Variants in EIF4ENIF1 observed in about 807,000 individuals in gnomAD.
EIF4ENIF1 encodes the protein eukaryotic translation initiation factor 4E transporter.
Under a neutral mutation model 110.5 loss-of-function variants are expected in EIF4ENIF1, and 23 were observed. The ratio of observed to expected loss-of-function variants is 0.21; its 90% CI spans 0.15 to 0.29. The LOEUF is 0.29. Ranked by LOEUF, EIF4ENIF1 falls within the 10% of genes least tolerant of loss-of-function variation. EIF4ENIF1 has a pLI of 1.00. For synonymous variants in EIF4ENIF1, 440 were observed against 437.0 expected, an observed-to-expected ratio of 1.01 and a Z score of -0.09; for missense variants, 1,031 against 1,221.1, an observed-to-expected ratio of 0.84 and a Z score of 2.32.
intron 6 of EIF4ENIF1, among the ~76,000 whole-genome samples, chr22:31,460,623 C>T (rs566153338): frequency 6.8e-6 from 1 of 147,152 alleles, no homozygotes; most frequent in Admixed American, 6.9e-5. Context: ...AGCGAGACTC[C>T]GTCTCAAAAA....
At chr22:31,446,297 A>AAAAAAAG (rs2050474079) in intron 14 of EIF4ENIF1, among the ~76,000 whole-genome samples, 1 of 151,702 alleles carries the variant, frequency 6.6e-6, no homozygotes, top group Non-Finnish European at 1.5e-5. Context: ...AAAAAAAAAA[A>AAAAAAAG]AAGTTAAAAG....
intron 2 of EIF4ENIF1, 112 bp downstream of exon 2, chr22:31,488,511 C>A: frequency 1.4e-6 from 2 of 1,451,762 alleles, no homozygotes. Context: ...AATATTTAGT[C>A]CATGTAGTGA....
intron 2 of EIF4ENIF1, among the ~76,000 whole-genome samples, chr22:31,481,759 A>C (rs1334752795): frequency 6.6e-6 from 1 of 152,182 alleles, no homozygotes; most frequent in African/African-American, 2.4e-5. Flanking sequence ...ACATGGCTGT[A>C]CTGACTGCTA....
chr22:31,463,327 C>A (rs147117153), intron 5 of EIF4ENIF1, among the ~76,000 whole-genome samples, 194 bp from the exon 6 acceptor site: 41 of 152,130 alleles, frequency 2.7e-4, no homozygotes, highest in African/African-American at 9.6e-4. Context: ...TCAAAGTAAC[C>A]TGGTATAAAA....
At chr22:31,452,529 T>C (rs1040392289) in intron 10 of EIF4ENIF1, among the ~76,000 whole-genome samples, 1 of 152,172 alleles carries the variant, frequency 6.6e-6, no homozygotes. Flanking sequence ...CCTAGAATCA[T>C]ATCTGCAATA....
intron 2 of EIF4ENIF1, among the ~76,000 whole-genome samples, chr22:31,476,182 C>A (rs2051564487): frequency 6.6e-6 from 1 of 152,134 alleles, no homozygotes; most frequent in Non-Finnish European, 1.5e-5. Context: ...CTTACTACCC[C>A]ATGCAGATAC....
At chr22:31,490,270 T>G (rs562435686), upstream of EIF4ENIF1, among the ~76,000 whole-genome samples, 1 of 152,368 alleles carries the variant, frequency 6.6e-6, no homozygotes, top group South Asian at 2.1e-4. Flanking sequence ...CCGCTGTATT[T>G]GCATGGTTCG....
rs1371144257 is a variant in EIF4ENIF1 at position 31,454,365 on chromosome 22, C to A, written c.1291G>T (p.Val431Phe). Residue 431 changes from valine (V) to phenylalanine (F), a missense_variant, in exon 10 of 19, where the codon GTT becomes TTT. By Grantham distance (50) the Val-to-Phe change is conservative. This residue lies in a region of EIF4ENIF1 where 704 missense variants were observed against 879.7 expected (regional missense o/e 0.80). Coordinates refer to ENST00000330125, the MANE Select transcript of EIF4ENIF1 (RefSeq NM_019843.4). Reference protein sequence around the residue: ...EKLKESSHSGVVLSVEEVEAG... With the variant: ...EKLKESSHSGFVLSVEEVEAG... ...TCTACCTCCTCCACTGAAAGCACAA[C>A]CCCTGAATGTGCTGAGAAGTTGAGA... 1 of 1,613,942 alleles carries A rather than the reference C, an allele frequency of 6.2e-7. No individual in the cohort carries two copies. The highest frequency in any genetic ancestry group is 1.7e-5 in the Admixed American group (1 of 60,004).
At chr22:31,491,339 G>A (rs1448295364), upstream of EIF4ENIF1, among the ~76,000 whole-genome samples, 2 of 152,122 alleles carry the variant, frequency 1.3e-5, no homozygotes, top group Non-Finnish European at 2.9e-5. Flanking sequence ...TCTTCCTAAA[G>A]CTGTGGGAAA....
intron 4 of EIF4ENIF1, among the ~76,000 whole-genome samples, chr22:31,466,640 T>C (rs1601614187): frequency 1.4e-5 from 1 of 69,654 alleles, no homozygotes; most frequent in Non-Finnish European, 2.5e-5. Context: ...GGGGAAGTGT[T>C]GTGGGGGGGG....
chr22:31,481,310 ACAC>A (rs1193647533), intron 2 of EIF4ENIF1, among the ~76,000 whole-genome samples: 3 of 144,310 alleles, frequency 2.1e-5, no homozygotes, highest in Admixed American at 7.2e-5. Context: ...CCACAGGTGC[ACAC>A]CACCACCTCT....
Position 31,482,076 on chromosome 22 carries a change from T to G in EIF4ENIF1, c.96+6547A>C, listed in dbSNP as rs2051835335. ...GTCCTAGCTACTCAGGAGGCTGAGG[T>G]GGAAGGATCGCATGAATGCAGAGTT... On this transcript the variant is annotated intron_variant, in intron 2 of 18. Coordinates refer to ENST00000330125, the MANE Select transcript of EIF4ENIF1 (RefSeq NM_019843.4). 2.7e-5 allele frequency among the ~76,000 whole-genome samples: 4 copies of G among 149,546 alleles called. No homozygotes were observed. In the South Asian group the frequency reaches 8.4e-4, roughly 32 times the overall value.
rs371539352 is a variant in EIF4ENIF1 at position 31,444,659 on chromosome 22, C to T, written c.2020G>A (p.Val674Met). 2.0e-4 allele frequency: 330 copies of T among 1,614,090 alleles called. 2 individuals are homozygous for T. The South Asian group carries it at 3.1e-3, about 15-fold the overall frequency. The change falls in exon 15 of 19, where the codon GTG (valine) becomes ATG (methionine). Residue 674 changes from valine (V) to methionine (M), a missense_variant. By Grantham distance (21) the Val-to-Met change is conservative (BLOSUM62 1). Coordinates refer to ENST00000330125, the MANE Select transcript of EIF4ENIF1 (RefSeq NM_019843.4). The part of the protein sequence containing the change: ...QQRVTKSPAP[V>M]HRGNSSSPAP... ...GGGGAAGAGGAATTCCCTCGATGCA[C>T]GGGTGCTGGTGACTTGGTCACTCGC... is the stretch of plus-strand genomic sequence containing the variant.
At chr22:31,492,920 C>T (rs1458097991), upstream of EIF4ENIF1, among the ~76,000 whole-genome samples, 6 of 151,836 alleles carry the variant, frequency 4.0e-5, no homozygotes, top group African/African-American at 1.5e-4. Flanking sequence ...TTAGTAGAGA[C>T]AGGATTTCAC....
intron 4 of EIF4ENIF1, among the ~76,000 whole-genome samples, chr22:31,465,585 G>T (rs1283326931): frequency 2.0e-5 from 3 of 152,186 alleles, no homozygotes; most frequent in African/African-American, 7.2e-5. Flanking sequence ...AACGTAAAAT[G>T]GTACAACTAC....
Position 31,462,929 on chromosome 22 carries a change from G to C in EIF4ENIF1, c.787+3C>G. The stretch of plus-strand genomic sequence containing the variant: ...GAACTTCCCTCCCAAAGTTTGAACT[G>C]ACCTTCCTTCACAGAGGCTGTCCGT... On this transcript the variant is annotated splice_donor_region_variant and intron_variant, in intron 6 of 18. Coordinates refer to ENST00000330125, the MANE Select transcript of EIF4ENIF1 (RefSeq NM_019843.4). 6.2e-7 allele frequency: 1 copy of C among 1,613,274 alleles called. No homozygotes were observed. The highest frequency in any genetic ancestry group is 8.5e-7 in the Non-Finnish European group (1 of 1,179,814).
intron 10 of EIF4ENIF1, chr22:31,450,841 T>C (rs201156381): frequency 1.5e-4 from 12 of 80,210 alleles, no homozygotes; most frequent in African/African-American, 3.4e-4. Context: ...CATATATATA[T>C]ACTACACACA....
At chr22:31,470,121 G>A (rs553640119) in intron 3 of EIF4ENIF1, among the ~76,000 whole-genome samples, 550 of 137,598 alleles carry the variant, frequency 4.0e-3, no homozygotes, top group African/African-American at 0.015. Flanking sequence ...CCAAGATTGC[G>A]CCATTGCACT....
At chr22:31,468,957 T>C (rs1187897655) in intron 3 of EIF4ENIF1, among the ~76,000 whole-genome samples, 2 of 152,172 alleles carry the variant, frequency 1.3e-5, no homozygotes, top group South Asian at 2.1e-4. Flanking sequence ...TGAAGACTAA[T>C]ACAAAGGAGA....
Sources: gnomAD v4.1 joint callset for allele counts (sites outside exome capture counted in the v4.1 genomes callset) on GRCh38, gnomAD v4.1.1 for gene constraint, gnomAD v4.1.1 regional missense constraint, MANE v1.5 for transcripts, NCBI Gene and HGNC (gene_info 2026-07-23, HGNC 2026-07-21) for gene names.